The following LEMD1 variants were observed in gnomAD, a reference collection of about 807,000 sequenced individuals.
LEMD1 encodes LEM domain containing 1, also known as LEM domain-containing protein 1.
Under a neutral mutation model 17.4 loss-of-function variants are expected in LEMD1, and 18 were observed. The ratio of observed to expected loss-of-function variants is 1.04; its 90% CI spans 0.72 to 1.54. LEMD1 has a LOEUF of 1.54. LEMD1 is among the 40% of genes most tolerant of loss of function. LEMD1 has a pLI of 0.00. For missense variants in LEMD1, 195 were observed against 210.4 expected (o/e 0.93, Z 0.45); for synonymous variants, 88 against 77.8 (o/e 1.13, Z -0.69).
intron 4 of LEMD1, chr1:205,387,333 G>A (rs1664081605): frequency 6.6e-6 from 1 of 151,816 alleles, no homozygotes; most frequent in African/African-American, 2.4e-5. Context: ...GTTAATAAAC[G>A]GTATAAATTG....
At chr1:205,411,478 C>T (rs1665426123) in intron 4 of LEMD1, among the ~76,000 whole-genome samples, 1 of 150,544 alleles carries the variant, frequency 6.6e-6, no homozygotes, top group African/African-American at 2.4e-5. Context: ...ATGGCGTGAA[C>T]CCGGGAGGCG....
intron 3 of LEMD1, among the ~76,000 whole-genome samples, chr1:205,418,656 C>G (rs933674985): frequency 3.3e-5 from 5 of 152,200 alleles, no homozygotes; most frequent in East Asian, 1.9e-4. Context: ...GCTGGGATTA[C>G]AGGTGCGTGC....
upstream of LEMD1, among the ~76,000 whole-genome samples, chr1:205,425,760 C>A (rs1666046793): frequency 2.0e-5 from 3 of 152,154 alleles, no homozygotes; most frequent in East Asian, 3.8e-4. Flanking sequence ...GGGAAAAAAA[C>A]AACAAATGTG....
intron 4 of LEMD1, among the ~76,000 whole-genome samples, chr1:205,404,006 G>T (rs1264257891): frequency 6.6e-6 from 1 of 152,180 alleles, no homozygotes; most frequent in African/African-American, 2.4e-5. Context: ...ATGTAGTTGA[G>T]TGGTTTTGAG....
chr1:205,411,675 G>GAAAGAAAGAAAGA (rs1665452683), intron 4 of LEMD1, among the ~76,000 whole-genome samples: 1 of 39,290 alleles, frequency 2.5e-5, no homozygotes, highest in Admixed American at 2.8e-4. Flanking sequence ...AGAAAGAAAA[G>GAAAGAAAGAAAGA]AAAGAAAGAA....
At chr1:205,447,561 A>C (rs922818271) in intron 1 of LEMD1, among the ~76,000 whole-genome samples, 3 of 152,064 alleles carry the variant, frequency 2.0e-5, no homozygotes, top group Admixed American at 6.5e-5. Flanking sequence ...GGCTAAAATC[A>C]GGCCGATTTA....
chr1:205,431,390 G>A (rs933516006), intron 1 of LEMD1, among the ~76,000 whole-genome samples: 3 of 152,322 alleles, frequency 2.0e-5, no homozygotes, highest in African/African-American at 7.2e-5. Context: ...TTTGTGCCAG[G>A]CCGGGAGCTA....
At chr1:205,438,477 C>T (rs970006138) in intron 1 of LEMD1, among the ~76,000 whole-genome samples, 5 of 152,224 alleles carry the variant, frequency 3.3e-5, no homozygotes, top group East Asian at 3.8e-4. Flanking sequence ...TTGGCCTTTC[C>T]CTATTCCCTG....
chr1:205,402,270 T>A (rs1216039340), intron 4 of LEMD1, among the ~76,000 whole-genome samples: 1 of 152,232 alleles, frequency 6.6e-6, no homozygotes, highest in Non-Finnish European at 1.5e-5. Flanking sequence ...GGGGATGGCA[T>A]TGAATCTATA....
Position 205,445,296 on chromosome 1 carries a change from A to C in LEMD1, c.-39+4572T>G, listed in dbSNP as rs77840541. On this transcript the variant is annotated intron_variant, in intron 1 of 3. Transcript: ENST00000367154. ...CTGTAGTCTACAAGACCGTGTTGAT[A>C]AACAGGCAGGCCAGGGGTGGGTGGT... Among the ~76,000 whole-genome samples, 80 of 152,306 alleles carry C rather than the reference A, an allele frequency of 5.3e-4. 2 individuals carry two copies. In the East Asian group the frequency reaches 0.014, roughly 27 times the overall value.
chr1:205,446,287 G>GCC (rs939507042), intron 1 of LEMD1, among the ~76,000 whole-genome samples: 1 of 152,208 alleles, frequency 6.6e-6, no homozygotes. Flanking sequence ...AGCAATCCAG[G>GCC]CCCAGCCCCA....
In LEMD1 at chr1:205,449,179, C is replaced by T. The variant is rs140912369; in HGVS notation, c.-39+689G>A. 2.5e-3 allele frequency among the ~76,000 whole-genome samples: 381 copies of T among 152,296 alleles called. 1 individual carries two copies. The highest frequency in any genetic ancestry group is 8.1e-3 in the African/African-American group (335 of 41,548). The stretch of plus-strand genomic sequence containing the variant: ...CTCATTGGCAGGACATGGGGGTTAG[C>T]ACAGACATCTCTAGGACTGGATTGA... On this transcript the variant is annotated intron_variant, in intron 1 of 3. Coordinates refer to the LEMD1 transcript ENST00000367154.
chr1:205,404,160 G>GA (rs769739660), intron 4 of LEMD1, among the ~76,000 whole-genome samples: 2 of 152,116 alleles, frequency 1.3e-5, no homozygotes, highest in East Asian at 1.9e-4. Flanking sequence ...GTGTGGTGCT[G>GA]AAAAAAATGT....
intron 4 of LEMD1, among the ~76,000 whole-genome samples, chr1:205,389,037 CTTTTTTTTT>C (rs61341380): frequency 1.1e-3 from 87 of 77,840 alleles, no homozygotes; most frequent in South Asian, 1.4e-3. Flanking sequence ...CATTTGCTTT[CTTTTTTTTT>C]TTTTTTTTTT....
chr1:205,404,268 T>C (rs1664987698), intron 4 of LEMD1, among the ~76,000 whole-genome samples: 1 of 152,136 alleles, frequency 6.6e-6, no homozygotes, highest in African/African-American at 2.4e-5. Context: ...GTTAACTTTC[T>C]GTCTCGTTGA....
Position 205,419,370 on chromosome 1 carries a change from G to A in LEMD1, c.83-18C>T, listed in dbSNP as rs565256116. 3.1e-6 allele frequency: 5 copies of A among 1,613,916 alleles called. No individual in the cohort carries two copies. The highest frequency in any genetic ancestry group is 2.2e-5 in the South Asian group (2 of 91,044). ...GGTGGAAGCTGAGGAAGAATTTGGA[G>A]AACAAATTAAATTGTTCTGTTTTTT... On this transcript the variant is annotated intron_variant, in intron 2 of 5. Transcript: ENST00000367153.
rs763310268 is a variant in LEMD1 at position 205,419,310 on chromosome 1, A to G, written c.125T>C (p.Leu42Ser). The G allele has an allele frequency of 1.2e-6, 2 of 1,614,208 alleles. No homozygotes were observed. Among genetic ancestry groups the G allele is most frequent in the South Asian group, 1.1e-5 (1 of 91,080 alleles). ...AGGTGGTGCACAGGGAGGTGAGACC[A>G]ACAACTGTACTAACTTTTTTTCATA... Reference protein sequence around the residue: ...KLYEKKLVQLLVSPPCAPPVM... With the variant: ...KLYEKKLVQLSVSPPCAPPVM... The change falls in exon 3 of 6, where the codon TTG (leucine) becomes TCG (serine). Residue 42 changes from leucine to serine, a missense_variant. Physicochemically the swap from Leu to Ser is moderately radical, Grantham distance 145 (BLOSUM62 -2). Coordinates refer to ENST00000367153, the MANE Select transcript of LEMD1 (RefSeq NM_001199050.2).
intron 4 of LEMD1, among the ~76,000 whole-genome samples, chr1:205,397,171 G>A (rs1229157084): frequency 6.6e-6 from 1 of 152,098 alleles, no homozygotes; most frequent in Non-Finnish European, 1.5e-5. Flanking sequence ...CAGATGTCCC[G>A]AGTCCTTCTG....
At chr1:205,392,680 T>C (rs1574950795) in intron 4 of LEMD1, among the ~76,000 whole-genome samples, 1 of 151,206 alleles carries the variant, frequency 6.6e-6, no homozygotes, top group African/African-American at 2.4e-5. Context: ...AGAGAGAAAA[T>C]AGAAAAAAAT....
Sources: gnomAD v4.1 joint callset for allele counts (sites outside exome capture counted in the v4.1 genomes callset) on GRCh38, gnomAD v4.1.1 for gene constraint, MANE v1.5 for transcripts, NCBI Gene and HGNC (gene_info 2026-07-23, HGNC 2026-07-21) for gene names.